Variants in NELL1 observed in about 807,000 individuals in gnomAD.
NELL1 encodes neural EGFL like 1.
NELL1 carries 76 observed loss-of-function variants against 107.4 expected under a neutral mutation model. The ratio of observed to expected loss-of-function variants is 0.71; its 90% confidence interval spans 0.59 to 0.86. The LOEUF (loss-of-function observed/expected upper bound fraction) is 0.86. Among genes scored for constraint, NELL1 ranks in the 40% least tolerant of loss-of-function variants. The probability of loss-of-function intolerance (pLI) is 0.00; values close to 1 mark genes in which losing one functional copy is unlikely to be tolerated. For missense variants in NELL1, 1,024 were observed against 1,005.5 expected, an observed-to-expected ratio of 1.02 and a Z score of -0.25; for synonymous variants, 353 against 341.2, an observed-to-expected ratio of 1.03 and a Z score of -0.38.
intron 13 of NELL1, among the ~76,000 whole-genome samples, chr11:21,214,204 A>G (rs1313553073): frequency 6.6e-6 from 1 of 152,136 alleles, no homozygotes; most frequent in Non-Finnish European, 1.5e-5. Flanking sequence ...TAAATCCAAA[A>G]ATTTGAAATC....
chr11:21,198,190 A>C (rs753388251), intron 13 of NELL1, among the ~76,000 whole-genome samples: 1 of 152,292 alleles, frequency 6.6e-6, no homozygotes, highest in Non-Finnish European at 1.5e-5. Flanking sequence ...GTGCCTCTCC[A>C]CATGTTCTTG....
At chr11:21,259,212 C>A (rs1018100647) in intron 14 of NELL1, among the ~76,000 whole-genome samples, 2 of 151,868 alleles carry the variant, frequency 1.3e-5, no homozygotes, top group Non-Finnish European at 2.9e-5. Flanking sequence ...ACACCATCTC[C>A]ACCCTTGAGG....
intron 13 of NELL1, among the ~76,000 whole-genome samples, chr11:21,174,026 C>T (rs1856661332): frequency 6.6e-6 from 1 of 151,796 alleles, no homozygotes; most frequent in African/African-American, 2.4e-5. Context: ...TGCTATTGTT[C>T]TCCCTGCTTT....
intron 13 of NELL1, among the ~76,000 whole-genome samples, chr11:21,176,690 G>C (rs376052266): frequency 1.3e-5 from 2 of 151,928 alleles, no homozygotes. Flanking sequence ...CTTTGCCTAC[G>C]TTTGCGTCAC....
intron 12 of NELL1, among the ~76,000 whole-genome samples, chr11:21,046,752 G>T (rs1224975897): frequency 6.6e-6 from 1 of 151,764 alleles, no homozygotes. Flanking sequence ...ACCCAGGCTG[G>T]AGTGCAGTGG....
chr11:21,120,103 A>G (rs902868514), intron 13 of NELL1, among the ~76,000 whole-genome samples: 3 of 152,132 alleles, frequency 2.0e-5, no homozygotes, highest in South Asian at 2.1e-4. Context: ...TGATATTGGC[A>G]TGGAAGAAAC....
intron 15 of NELL1, among the ~76,000 whole-genome samples, chr11:21,486,348 G>A (rs1380568561): frequency 1.3e-5 from 2 of 152,252 alleles, no homozygotes; most frequent in East Asian, 3.9e-4. Context: ...AAGCCACTGA[G>A]GAAATTGCAG....
intron 12 of NELL1, among the ~76,000 whole-genome samples, chr11:20,992,969 T>C (rs1478575061): frequency 6.6e-6 from 1 of 152,010 alleles, no homozygotes; most frequent in African/African-American, 2.4e-5. Context: ...CGCCTTGGCC[T>C]CCCAAAGTGC....
intron 14 of NELL1, among the ~76,000 whole-genome samples, chr11:21,328,300 G>A (rs981164579): frequency 1.3e-5 from 2 of 152,146 alleles, no homozygotes; most frequent in African/African-American, 4.8e-5. Flanking sequence ...TACAGTTCAG[G>A]CTGTTGCTTT....
intron 13 of NELL1, among the ~76,000 whole-genome samples, chr11:21,221,922 G>T (rs532999226): frequency 7.8e-4 from 119 of 152,124 alleles, no homozygotes; most frequent in Non-Finnish European, 1.5e-3. Context: ...CTAACTCCTG[G>T]GCTCAAGCAA....
chr11:20,707,367 A>G (rs899769995), intron 2 of NELL1, among the ~76,000 whole-genome samples: 2 of 152,024 alleles, frequency 1.3e-5, no homozygotes, highest in African/African-American at 4.8e-5. Flanking sequence ...TCTTCCCTCA[A>G]CTCGTCAAAA....
intron 13 of NELL1, among the ~76,000 whole-genome samples, chr11:21,167,550 C>A (rs1448737356): frequency 6.6e-6 from 1 of 151,832 alleles, no homozygotes; most frequent in Non-Finnish European, 1.5e-5. Context: ...TACTGCAGTT[C>A]TCTTAATCCT....
intron 2 of NELL1, among the ~76,000 whole-genome samples, chr11:20,691,511 T>C (rs11517567): frequency 0.85 from 128,755 of 151,904 alleles, 54,983 homozygotes; most frequent in Non-Finnish European, 0.87. Flanking sequence ...TGAATTTTGT[T>C]GAAGGCCTTT....
intron 14 of NELL1, among the ~76,000 whole-genome samples, chr11:21,239,857 GAGA>G (rs574177299): frequency 7.0e-4 from 106 of 152,124 alleles, no homozygotes; most frequent in Non-Finnish European, 1.0e-3. Flanking sequence ...TCAGTTGTAG[GAGA>G]AGGTGGAACA....
chr11:21,070,466 A>T (rs1358747197), intron 12 of NELL1, among the ~76,000 whole-genome samples: 1 of 152,176 alleles, frequency 6.6e-6, no homozygotes, highest in Non-Finnish European at 1.5e-5. Context: ...TTAGAAAACC[A>T]GATGTTGGGG....
rs188199628 is a variant in NELL1, at chr11:20,934,441, G to A, written c.998-3345G>A. On this transcript the variant is annotated intron_variant, in intron 9 of 19. Coordinates refer to ENST00000357134, the MANE Select transcript of NELL1 (RefSeq NM_006157.5). ...TTTATAAGAGACTGGTGGATTCGAGGGGTGGATGTGTCTCCATGTGTGGTG... is the reference window on the plus strand; with the variant it reads ...TTTATAAGAGACTGGTGGATTCGAGAGGTGGATGTGTCTCCATGTGTGGTG... 3.9e-5 allele frequency among the ~76,000 whole-genome samples: 6 copies of A among 152,312 alleles called. No homozygotes were observed. The East Asian group carries it at 5.8e-4, about 15-fold the overall frequency.
At chr11:21,539,385 A>G (rs1238086603) in intron 16 of NELL1, among the ~76,000 whole-genome samples, 13 of 152,058 alleles carry the variant, frequency 8.5e-5, no homozygotes, top group Admixed American at 8.5e-4. Flanking sequence ...TCACAAGGAC[A>G]GAGGGCCAGT....
At chr11:21,081,679 T>C (rs1854272808) in intron 12 of NELL1, among the ~76,000 whole-genome samples, 1 of 152,176 alleles carries the variant, frequency 6.6e-6, no homozygotes, top group South Asian at 2.1e-4. Flanking sequence ...CAAATTCATA[T>C]AATTTTACCC....
intron 1 of NELL1, among the ~76,000 whole-genome samples, chr11:20,674,819 C>CA (rs1854010058): frequency 6.6e-6 from 1 of 152,122 alleles, no homozygotes; most frequent in Non-Finnish European, 1.5e-5. Flanking sequence ...AAGCCTTGCC[C>CA]AATTAATTGC....
Sources: allele counts gnomAD v4.1 joint callset (sites outside exome capture counted in the v4.1 genomes callset), GRCh38; gene constraint gnomAD v4.1.1; transcripts MANE v1.5; gene names NCBI Gene and HGNC (gene_info 2026-07-23, HGNC 2026-07-21).